BAZ2B: variants seen among roughly 807,000 people sequenced by gnomAD.
The protein encoded by BAZ2B is bromodomain adjacent to zinc finger domain 2B, also known as bromodomain adjacent to zinc finger domain protein 2B.
Under a neutral mutation model 246.0 loss-of-function variants are expected in BAZ2B, and 91 were observed. The observed-to-expected ratio is 0.37, with a 90% confidence interval of 0.31 to 0.44. The LOEUF is 0.44. Among genes scored for constraint, BAZ2B ranks in the 20% least tolerant of loss-of-function variants. The pLI, the probability that BAZ2B is intolerant of heterozygous loss-of-function variation, is 1.00. For synonymous variants in BAZ2B, 855 were observed against 860.0 expected (o/e 0.99, Z 0.10); for missense variants, 2,332 against 2,533.7 (o/e 0.92, Z 1.71).
chr2:159,413,059 A>G (rs1038891166), intron 13 of BAZ2B, among the ~76,000 whole-genome samples: 1 of 152,174 alleles, frequency 6.6e-6, no homozygotes, highest in African/African-American at 2.4e-5. Flanking sequence ...TTGAACTTGA[A>G]TGGTTGCCTA....
chr2:159,364,206 G>A (rs1321157676), intron 27 of BAZ2B, among the ~76,000 whole-genome samples: 2 of 152,142 alleles, frequency 1.3e-5, no homozygotes, highest in African/African-American at 4.8e-5. Context: ...TAGAAATGGA[G>A]GACCAAGTAT....
the BAZ2B span, among the ~76,000 whole-genome samples, chr2:159,656,630 G>A: frequency 2.6e-5 from 4 of 152,156 alleles, no homozygotes; most frequent in South Asian, 2.1e-4. Flanking sequence ...TTGGCAATAC[G>A]TGTTTAAGGT....
At chr2:159,684,181 T>C in the BAZ2B span, among the ~76,000 whole-genome samples, 28 of 152,378 alleles carry the variant, frequency 1.8e-4, no homozygotes, top group African/African-American at 6.3e-4. Flanking sequence ...ATAATTCCAC[T>C]GCATGGATGT....
At chr2:159,654,531 TAGCACTAAG>T in the BAZ2B span, among the ~76,000 whole-genome samples, 3 of 152,082 alleles carry the variant, frequency 2.0e-5, no homozygotes, top group Non-Finnish European at 4.4e-5. Context: ...CCTTCTAAGG[TAGCACTAAG>T]AGCACAATTT....
intron 2 of BAZ2B, among the ~76,000 whole-genome samples, chr2:159,529,574 T>C (rs1005586892): frequency 1.3e-5 from 2 of 152,218 alleles, no homozygotes; most frequent in African/African-American, 4.8e-5. Context: ...AGGTCTTCAG[T>C]AGCCAATCTG....
rs1219524632 is a variant in BAZ2B, at chr2:159,385,183, C to T, written c.3658G>A (p.Glu1220Lys). 1 of 1,613,474 alleles carries T rather than the reference C, an allele frequency of 6.2e-7. No individual in the cohort carries two copies. Among genetic ancestry groups the T allele is most frequent in the South Asian group, 1.1e-5 (1 of 91,040 alleles). The change falls in exon 23 of 37, where the codon GAA (glutamate) becomes AAA (lysine). Residue 1220 changes from glutamate (E) to lysine (K), a missense_variant. Glu to Lys is a moderately conservative substitution (Grantham distance 56, BLOSUM62 1). Transcript: ENST00000392783. ...ACCACACTCTTGCTGCATGCCAGTT[C>T]ATTGATCAGGAAAGCCAGGACTGAA... ...KASVLAFLIN[E>K]LACSKSVVSE... is the part of the protein sequence containing the mutation.
At chr2:159,362,665 G>A (rs73006766) in intron 27 of BAZ2B, among the ~76,000 whole-genome samples, 1,880 of 152,280 alleles carry the variant, frequency 0.012, 46 homozygotes, top group African/African-American at 0.042. Flanking sequence ...GAACCCATGG[G>A]TCAAAGAATT....
chr2:159,425,982 T>C (rs1033817482), intron 13 of BAZ2B, among the ~76,000 whole-genome samples: 3 of 152,222 alleles, frequency 2.0e-5, no homozygotes, highest in Admixed American at 6.5e-5. Context: ...TTACCTTTAA[T>C]TGTTGTTTTC....
chr2:159,608,600 CAGAGAAA>C (rs1694038790), intron 1 of BAZ2B, among the ~76,000 whole-genome samples: 3 of 151,914 alleles, frequency 2.0e-5, no homozygotes, highest in Non-Finnish European at 4.4e-5. Flanking sequence ...TGCTAAAGAG[CAGAGAAA>C]TAAATGAAAG....
At chr2:159,360,761 C>G (rs1472333457) in intron 27 of BAZ2B, among the ~76,000 whole-genome samples, 3 of 152,142 alleles carry the variant, frequency 2.0e-5, no homozygotes, top group Non-Finnish European at 4.4e-5. Context: ...ATATATAGAA[C>G]AGTGGAACAG....
At chr2:159,326,317 G>A (rs1476817666) in intron 34 of BAZ2B, among the ~76,000 whole-genome samples, 1 of 152,092 alleles carries the variant, frequency 6.6e-6, no homozygotes, top group Admixed American at 6.6e-5. Context: ...TTGTTAATAA[G>A]AAAGTTGAAG....
intron 8 of BAZ2B, 175 bp downstream of exon 8, chr2:159,438,128 T>C: frequency 1.6e-6 from 1 of 625,860 alleles, no homozygotes; most frequent in South Asian, 2.1e-5. Context: ...CAGATACATA[T>C]ATGAATATAA....
chr2:159,488,870 G>A (rs527890398), intron 2 of BAZ2B, among the ~76,000 whole-genome samples: 2 of 152,228 alleles, frequency 1.3e-5, no homozygotes, highest in African/African-American at 4.8e-5. Context: ...TCCAGAAGAA[G>A]TGAATTAGTC....
chr2:159,637,113 C>G, the BAZ2B span, among the ~76,000 whole-genome samples: 2 of 152,198 alleles, frequency 1.3e-5, no homozygotes, highest in African/African-American at 2.4e-5. Flanking sequence ...AGCACAATCC[C>G]AGCTATGGTG....
At chr2:159,551,727 T>C (rs898046738) in intron 2 of BAZ2B, among the ~76,000 whole-genome samples, 3 of 152,184 alleles carry the variant, frequency 2.0e-5, no homozygotes, top group Non-Finnish European at 4.4e-5. Flanking sequence ...AAGTAAGAAC[T>C]GATCACAAAA....
At chr2:159,612,750 T>C (rs1169773418) in intron 1 of BAZ2B, among the ~76,000 whole-genome samples, 1 of 152,096 alleles carries the variant, frequency 6.6e-6, no homozygotes, top group African/African-American at 2.4e-5. Context: ...TCTTAGCAGC[T>C]CCATGAAATC....
intron 5 of BAZ2B, among the ~76,000 whole-genome samples, chr2:159,447,877 C>G (rs906576779): frequency 6.6e-6 from 1 of 152,120 alleles, no homozygotes; most frequent in Non-Finnish European, 1.5e-5. Flanking sequence ...CTTTTGGAGG[C>G]TGAGGTGTGA....
At chr2:159,554,722 GTAAA>G (rs946114691) in intron 2 of BAZ2B, among the ~76,000 whole-genome samples, 1 of 152,026 alleles carries the variant, frequency 6.6e-6, no homozygotes, top group Non-Finnish European at 1.5e-5. Context: ...GGATCATGGA[GTAAA>G]TAATTTGGTA....
At chr2:159,379,634 A>G (rs1433182509) in intron 25 of BAZ2B, among the ~76,000 whole-genome samples, 1 of 152,230 alleles carries the variant, frequency 6.6e-6, no homozygotes, top group Non-Finnish European at 1.5e-5. Flanking sequence ...AGAATTATGT[A>G]GCATATTATA....
Sources: allele counts gnomAD v4.1 joint callset (sites outside exome capture counted in the v4.1 genomes callset), GRCh38; gene constraint gnomAD v4.1.1; transcripts MANE v1.5; gene names NCBI Gene and HGNC (gene_info 2026-07-23, HGNC 2026-07-21).